The following PLEKHH3 variants were observed in gnomAD, a reference collection of about 807,000 sequenced individuals.
PLEKHH3 encodes pleckstrin homology domain-containing family H member 3.
Under a neutral mutation model 77.8 loss-of-function variants are expected in PLEKHH3, and 57 were observed. That is an observed-to-expected ratio of 0.73 (90% CI 0.59 to 0.91). The LOEUF is 0.91. Ranked by LOEUF, PLEKHH3 falls within the 40% of genes least tolerant of loss-of-function variation. The pLI is 0.00. For missense variants in PLEKHH3, 1,082 were observed against 1,091.2 expected (o/e 0.99, Z 0.12); for synonymous variants, 467 against 504.8 (o/e 0.93, Z 1.00).
Position 42,676,460 on chromosome 17 carries a change from T to TCGTCCC in PLEKHH3, c.98_103dup (p.Gly33_Asp34dup), listed in dbSNP as rs575311542. The TCGTCCC allele has an allele frequency of 6.8e-3, 11,032 of 1,613,138 alleles. 46 individuals are homozygous for TCGTCCC. The highest frequency in any genetic ancestry group is 8.7e-3 in the South Asian group (795 of 90,910). ...CTCAAAGGTTTCCTCGTCCTCGTCC[T>TCGTCCC]CGTCCCCGTCCCCGCTAAGCTCGCC... On this transcript the variant is annotated inframe_insertion, in exon 1 of 13. Coordinates refer to ENST00000591022, the MANE Select transcript of PLEKHH3 (RefSeq NM_024927.5). This position sits in a 1 kb window ranked among gnomAD's most constrained non-coding sequence, Gnocchi z 6.6.
At position 42,676,304 on chromosome 17, in the gene PLEKHH3, C is replaced by G; in HGVS notation, c.162+98G>C. The G allele has an allele frequency of 6.4e-7, 1 of 1,556,768 alleles. No individual in the cohort carries two copies. Among genetic ancestry groups the G allele is most frequent in the Non-Finnish European group, 8.7e-7 (1 of 1,152,098 alleles). ...AAACTCTCCCTCATCCCTAGTTCGC[C>G]AAGCGCGCAGCGTGTGGCTGGAGGC... is the stretch of plus-strand genomic sequence containing the variant. On this transcript the variant is annotated intron_variant, in intron 1 of 12. Coordinates refer to ENST00000591022, the MANE Select transcript of PLEKHH3 (RefSeq NM_024927.5). The surrounding 1 kb of genome is among the most constrained non-coding windows in gnomAD (Gnocchi z 6.6).
intron 1 of PLEKHH3, chr17:42,675,759 G>A (rs1451432476): frequency 5.1e-6 from 3 of 585,220 alleles, no homozygotes; most frequent in Non-Finnish European, 6.5e-6. Context: ...TCCCCACGGG[G>A]AGATTCGACA....
At chr17:42,669,894 C>A (rs1567955939) in intron 11 of PLEKHH3, 24 bp downstream of exon 11, 1 of 1,612,482 alleles carries the variant, frequency 6.2e-7, no homozygotes, top group Non-Finnish European at 8.5e-7. Flanking sequence ...CCGCCAGAGT[C>A]CCCTTCTCCC....
intron 12 of PLEKHH3, 73 bp from the exon 13 acceptor site, chr17:42,668,376 C>T (rs1478577184): frequency 1.9e-5 from 26 of 1,353,426 alleles, no homozygotes; most frequent in Non-Finnish European, 2.5e-5. Context: ...TTTCTCCAGG[C>T]TCTAGGGCTC....
chr17:42,673,778 G>A lies in PLEKHH3; in HGVS notation c.355C>T (p.Arg119Ter). 1.3e-6 allele frequency: 2 copies of A among 1,593,340 alleles called. No homozygotes were observed. Among genetic ancestry groups the A allele is most frequent in the Non-Finnish European group, 1.7e-6 (2 of 1,176,166 alleles). ...GGARPWLPPR[R>*]AWFVLTRDSL... ...TCCCGCGTGAGCACAAACCAGGCTCGGCGCGGGGGCAGCCAGGGCCGCGCC... is the reference window on the plus strand; with the variant it reads ...TCCCGCGTGAGCACAAACCAGGCTCAGCGCGGGGGCAGCCAGGGCCGCGCC... Residue 119 changes from arginine to a stop codon, truncating the protein, a stop_gained, in exon 4 of 13, where the codon CGA becomes TGA. Coordinates refer to ENST00000591022, the MANE Select transcript of PLEKHH3 (RefSeq NM_024927.5). LOFTEE classifies it high-confidence loss of function.
In PLEKHH3 at chr17:42,673,792, C is replaced by A. The variant is rs1235066768; in HGVS notation, c.341G>T (p.Trp114Leu). ...AAACCAGGCTCGGCGCGGGGGCAGC[C>A]AGGGCCGCGCCCCTCCTCCGCGGGG... ...REPRGGGARP[W>L]LPPRRAWFVL... Residue 114 changes from tryptophan (W) to leucine (L), a missense_variant, in exon 4 of 13, where the codon TGG becomes TTG. By Grantham distance (61) the Trp-to-Leu change is moderately conservative (BLOSUM62 -2). Around this residue, in one of 3 missense-constraint regions of PLEKHH3, gnomAD observed 344 missense variants for 320.8 expected, o/e 1.07. Transcript: ENST00000591022. 11 of 1,589,224 alleles carry A rather than the reference C, an allele frequency of 6.9e-6. No individual in the cohort carries two copies. In the African/African-American group the frequency reaches 1.3e-4, roughly 19 times the overall value.
Position 42,676,338 on chromosome 17 carries a change from A to T in PLEKHH3, c.162+64T>A. 1.3e-6 allele frequency: 2 copies of T among 1,596,698 alleles called. No individual in the cohort carries two copies. The highest frequency in any genetic ancestry group is 1.7e-6 in the Non-Finnish European group (2 of 1,169,868). Reference sequence around the variant, plus strand: ...AGCGTGTGGCTGGAGGCTGGAGCGGATCAGCGTGACGGCCGGTTACAGCGA... The same window carrying T: ...AGCGTGTGGCTGGAGGCTGGAGCGGTTCAGCGTGACGGCCGGTTACAGCGA... On this transcript the variant is annotated intron_variant, in intron 1 of 12. Transcript: ENST00000591022. This position sits in a 1 kb window ranked among gnomAD's most constrained non-coding sequence, Gnocchi z 6.6.
At position 42,672,317 on chromosome 17, in the gene PLEKHH3, C is replaced by A; in HGVS notation, c.845G>T (p.Arg282Leu). 6.5e-7 allele frequency: 1 copy of A among 1,548,252 alleles called. No individual in the cohort carries two copies. The highest frequency in any genetic ancestry group is 8.7e-7 in the Non-Finnish European group (1 of 1,146,500). ...CACACCCTGCATCAAGGGCCCGGGGCGCCGCGCCCCCTCCAGCGCCTGCAG... is the reference window on the plus strand; with the variant it reads ...CACACCCTGCATCAAGGGCCCGGGGAGCCGCGCCCCCTCCAGCGCCTGCAG... ...LALQALEGAR[R>L]PGPLMQGVLQ... is the part of the protein sequence containing the mutation. The change falls in exon 7 of 13, where the codon CGC becomes CTC. Residue 282 changes from arginine to leucine, a missense_variant. Transcript: ENST00000591022.
At chr17:42,675,332 G>A (rs777486965) in intron 1 of PLEKHH3, among the ~76,000 whole-genome samples, 2 of 152,110 alleles carry the variant, frequency 1.3e-5, no homozygotes, top group African/African-American at 4.8e-5. Context: ...GCAATGGCCT[G>A]GTAAAGCCGA....
At position 42,676,790 on chromosome 17, in the gene PLEKHH3, G is replaced by C; in HGVS notation, c.-227C>G. 1 of 592,298 alleles carries C rather than the reference G, an allele frequency of 1.7e-6. No homozygotes were observed. The highest frequency in any genetic ancestry group is 3.0e-6 in the Non-Finnish European group (1 of 334,186). The allele number at this position is 592,298 out of a possible 1,614,324, so 36.7% of individuals were successfully genotyped here. ...GCCCCCGGAGGGGGGAGGGGGAAAA[G>C]CGTCCAGGGCCCCGGGAGAGGAGGG... On this transcript the variant is annotated 5_prime_UTR_variant, in exon 1 of 13. Coordinates refer to ENST00000591022, the MANE Select transcript of PLEKHH3 (RefSeq NM_024927.5). The surrounding 1 kb of genome is among the most constrained non-coding windows in gnomAD (Gnocchi z 6.6).
chr17:42,673,464 G>T lies in PLEKHH3; in HGVS notation c.583C>A (p.Arg195=), dbSNP rs1393276367. 1 of 1,612,744 alleles carries T rather than the reference G, an allele frequency of 6.2e-7. No individual in the cohort carries two copies. Among genetic ancestry groups the T allele is most frequent in the Non-Finnish European group, 8.5e-7 (1 of 1,179,702 alleles). The change falls in exon 5 of 13, where the codon CGG becomes AGG. Residue 195 remains arginine (R), a synonymous_variant. Coordinates refer to ENST00000591022, the MANE Select transcript of PLEKHH3 (RefSeq NM_024927.5). ...AEAERWGVAL[R]EVIASKAPLE... is the part of the protein sequence containing the mutation. ...GGTGCCTTGGAGGCGATCACTTCCC[G>T]CAATGCCACCCCCCAGCGCTCAGCC...
chr17:42,669,719 C>G (rs1216187702), intron 11 of PLEKHH3, 98 bp from the exon 12 acceptor site: 2 of 1,463,430 alleles, frequency 1.4e-6, no homozygotes, highest in East Asian at 2.5e-5. Context: ...TCCTGATCCC[C>G]CTATGATTCA....
chr17:42,675,179 C>A (rs2052795983), intron 1 of PLEKHH3, among the ~76,000 whole-genome samples: 1 of 152,152 alleles, frequency 6.6e-6, no homozygotes, highest in Non-Finnish European at 1.5e-5. Context: ...CAAACCCAAC[C>A]CGGAGGCCAG....
chr17:42,675,971 G>A, intron 1 of PLEKHH3: 1 of 1,042,218 alleles, frequency 9.6e-7, no homozygotes, highest in Non-Finnish European at 1.2e-6. Context: ...CCAGGTCTCC[G>A]CAGCGGGAGC....
At chr17:42,675,983 C>G (rs2052816660) in intron 1 of PLEKHH3, 2 of 1,053,276 alleles carry the variant, frequency 1.9e-6, no homozygotes, top group Non-Finnish European at 2.3e-6. Flanking sequence ...AGCGGGAGCT[C>G]TCGCATCTGG....
Position 42,671,978 on chromosome 17 carries a change from T to C in PLEKHH3, c.1076+108A>G, listed in dbSNP as rs1482813020. On this transcript the variant is annotated intron_variant, in intron 7 of 12. Coordinates refer to ENST00000591022, the MANE Select transcript of PLEKHH3 (RefSeq NM_024927.5). The surrounding 1 kb of genome is among the most constrained non-coding windows in gnomAD (Gnocchi z 4.7). ...TTGTATCTCCCACAAAGGCACTGTATGTATTACTCGGTTCTTTACCTACCA... is the reference window on the plus strand; with the variant it reads ...TTGTATCTCCCACAAAGGCACTGTACGTATTACTCGGTTCTTTACCTACCA... The C allele has an allele frequency of 3.3e-6, 3 of 904,164 alleles. No homozygotes were observed. In the African/African-American group the frequency reaches 5.1e-5, roughly 15 times the overall value. The allele number at this position is 904,164 out of a possible 1,614,324, so 56.0% of individuals were successfully genotyped here.
chr17:42,673,982 T>A lies in PLEKHH3; in HGVS notation c.250A>T (p.Ile84Phe), dbSNP rs754260715. The A allele has an allele frequency of 1.9e-6, 3 of 1,613,470 alleles. No homozygotes were observed. The highest frequency in any genetic ancestry group is 2.5e-6 in the Non-Finnish European group (3 of 1,179,924). The change falls in exon 3 of 13, where the codon ATC (isoleucine) becomes TTC (phenylalanine). Residue 84 changes from isoleucine to phenylalanine, a missense_variant. By Grantham distance (21) the Ile-to-Phe change is conservative. Coordinates refer to ENST00000591022, the MANE Select transcript of PLEKHH3 (RefSeq NM_024927.5). ...TCCTCCGGCAGCCCTTTCTCCGGGATGAGGCTCCAAGTCTCCTCCCAGCTC... is the reference window on the plus strand; with the variant it reads ...TCCTCCGGCAGCCCTTTCTCCGGGAAGAGGCTCCAAGTCTCCTCCCAGCTC... ...LQSWEETWSLIPEKGLPEDDP... is the reference protein window; with the variant it reads ...LQSWEETWSLFPEKGLPEDDP...
At chr17:42,673,084 G>A (rs2143588405) in intron 6 of PLEKHH3, 92 bp downstream of exon 6, 1 of 1,413,112 alleles carries the variant, frequency 7.1e-7, no homozygotes, top group Non-Finnish European at 9.3e-7. Context: ...GTCCATGAAG[G>A]ATGCTTAGAT....
chr17:42,670,828 A>AT, intron 9 of PLEKHH3, 123 bp from the exon 10 acceptor site: 1 of 1,516,362 alleles, frequency 6.6e-7, no homozygotes, highest in Non-Finnish European at 8.9e-7. Flanking sequence ...AGCGGAGGTG[A>AT]TGCTGCAGTC....
Sources: allele counts gnomAD v4.1 joint callset (sites outside exome capture counted in the v4.1 genomes callset), GRCh38; gene constraint gnomAD v4.1.1; regional missense constraint gnomAD v4.1.1; non-coding constraint Gnocchi (gnomAD v3.1); transcripts MANE v1.5; gene names NCBI Gene and HGNC (gene_info 2026-07-23, HGNC 2026-07-21).